REV1: variants seen among roughly 807,000 people sequenced by gnomAD.
REV1 encodes the protein REV1 DNA directed polymerase.
Under a neutral mutation model 137.4 loss-of-function variants are expected in REV1, and 42 were observed. That is an observed-to-expected ratio of 0.31 (90% CI 0.24 to 0.40). The LOEUF is 0.40. REV1 is among the 10% of genes least tolerant of loss of function. The pLI is 1.00. For synonymous variants in REV1, 524 were observed against 519.2 expected (o/e 1.01, Z -0.12); for missense variants, 1,282 against 1,490.1 (o/e 0.86, Z 2.30).
chr2:99,434,404 G>A lies in REV1; in HGVS notation c.1366C>T (p.Pro456Ser), dbSNP rs753869271. 1.2e-6 allele frequency: 2 copies of A among 1,604,282 alleles called. No individual in the cohort carries two copies. Among genetic ancestry groups the A allele is most frequent in the African/African-American group, 1.3e-5 (1 of 74,574 alleles). Residue 456 changes from proline to serine, a missense_variant, in exon 8 of 23, where the codon CCT becomes TCT. Pro to Ser is a moderately conservative substitution (Grantham distance 74). Transcript: ENST00000258428. Reference sequence around the variant, plus strand: ...TGGGGGTTAGCGCCAGGACGTAAAGGTGCCCTTCCTGTGCCTCTGTTACTT... The same window carrying A: ...TGGGGGTTAGCGCCAGGACGTAAAGATGCCCTTCCTGTGCCTCTGTTACTT... The part of the protein sequence containing the change: ...VTSNRGTGRA[P>S]LRPGANPQLE...
In REV1 at chr2:99,418,944, G is replaced by A; in HGVS notation, c.1835C>T (p.Ser612Phe). ...TGCCATTCTAGCCAGGAGAATATTA[G>A]AACCTATTAAAAAAAAAAGTCATCC... ...TKCAASVGIGSNILLARMATR... is the reference protein window; with the variant it reads ...TKCAASVGIGFNILLARMATR... The change falls in exon 12 of 23, where the codon TCT becomes TTT. Residue 612 changes from serine to phenylalanine, a missense_variant. Ser to Phe is a radical substitution (Grantham distance 155). Around this residue, in one of 7 missense-constraint regions of REV1, gnomAD observed 372 missense variants for 482.3 expected, o/e 0.77. Transcript: ENST00000258428. 1 of 1,590,918 alleles carries A rather than the reference G, an allele frequency of 6.3e-7. No homozygotes were observed. The highest frequency in any genetic ancestry group is 8.5e-7 in the Non-Finnish European group (1 of 1,171,014).
intron 13 of REV1, 103 bp from the exon 14 acceptor site, chr2:99,410,970 C>T (rs1233469244): frequency 2.8e-6 from 3 of 1,073,004 alleles, no homozygotes; most frequent in African/African-American, 3.3e-5. Context: ...GTTGGTTACT[C>T]ACTATCACGC....
intron 12 of REV1, 63 bp from the exon 13 acceptor site, chr2:99,413,014 A>G: frequency 8.8e-7 from 1 of 1,132,516 alleles, no homozygotes. Flanking sequence ...TATTAACACA[A>G]AATACCCACC....
chr2:99,405,896 C>G lies in REV1; in HGVS notation c.2811+14G>C. ...GTATAAAATGTACTTATATTTAGGA[C>G]TACAAAAATGTACCTGGGAAGGTGA... On this transcript the variant is annotated intron_variant, in intron 17 of 22. Transcript: ENST00000258428. The G allele has an allele frequency of 6.6e-7, 1 of 1,505,126 alleles. No individual in the cohort carries two copies. Among genetic ancestry groups the G allele is most frequent in the Non-Finnish European group, 8.9e-7 (1 of 1,119,370 alleles). 93.2% of individuals were successfully genotyped at this position (1,505,126 alleles called of 1,614,324 possible).
chr2:99,442,259 A>G, intron 5 of REV1, 58 bp downstream of exon 5: 10 of 1,276,884 alleles, frequency 7.8e-6, no homozygotes, highest in Non-Finnish European at 9.3e-6. Flanking sequence ...TCTCAAAAAA[A>G]AAAAAAAAAA....
intron 3 of REV1, among the ~76,000 whole-genome samples, chr2:99,452,815 C>T (rs1683076968): frequency 6.6e-6 from 1 of 152,202 alleles, no homozygotes; most frequent in Non-Finnish European, 1.5e-5. Flanking sequence ...TCTCAAAACA[C>T]TTATTCACTC....
chr2:99,474,506 T>C (rs1423517538), intron 1 of REV1, among the ~76,000 whole-genome samples: 2 of 152,174 alleles, frequency 1.3e-5, no homozygotes, highest in Admixed American at 1.3e-4. Context: ...CACCAGGTAA[T>C]CTAGCAACAG....
In REV1 at chr2:99,404,644, C is replaced by G; in HGVS notation, c.2845G>C (p.Asp949His). Reference protein sequence around the residue: ...DQSVLEALPPDLREQVEQVCA... With the variant: ...DQSVLEALPPHLREQVEQVCA... ...ACTTGCTCTACTTGTTCCCGGAGATCAGGTGGAAGTGCTTCTAAAACAGAC... is the reference window on the plus strand; with the variant it reads ...ACTTGCTCTACTTGTTCCCGGAGATGAGGTGGAAGTGCTTCTAAAACAGAC... The change falls in exon 18 of 23, where the codon GAT becomes CAT. Residue 949 changes from aspartate (D) to histidine (H), a missense_variant. Asp to His is a moderately conservative substitution (Grantham distance 81). This residue lies in a region of REV1 where 135 missense variants were observed against 123.3 expected (regional missense o/e 1.10). Coordinates refer to ENST00000258428, the MANE Select transcript of REV1 (RefSeq NM_016316.4). The G allele has an allele frequency of 6.2e-7, 1 of 1,611,812 alleles. No homozygotes were observed. The highest frequency in any genetic ancestry group is 8.5e-7 in the Non-Finnish European group (1 of 1,179,504).
At chr2:99,440,969 G>C (rs1485738966) in intron 5 of REV1, among the ~76,000 whole-genome samples, 1 of 152,116 alleles carries the variant, frequency 6.6e-6, no homozygotes, top group African/African-American at 2.4e-5. Flanking sequence ...GAAATATCAC[G>C]GGTAGAGATA....
At chr2:99,463,049 C>T (rs1247545357) in intron 2 of REV1, among the ~76,000 whole-genome samples, 2 of 151,486 alleles carry the variant, frequency 1.3e-5, no homozygotes, top group Admixed American at 1.3e-4. Flanking sequence ...GATGGCGCCA[C>T]TGCACTCCAG....
In REV1 at chr2:99,403,043, T is replaced by C. The variant is rs1675704844; in HGVS notation, c.3230A>G (p.Lys1077Arg). ...CCTTTTTGGTGAACCAATGGTTTTT[T>C]TCTTCTTGTTTCTTTTCTTTTCTTT... Reference protein sequence around the residue: ...AVKEKKRNKKKKTIGSPKRIQ... With the variant: ...AVKEKKRNKKRKTIGSPKRIQ... Residue 1077 changes from lysine to arginine, a missense_variant, in exon 20 of 23, where the codon AAA (lysine) becomes AGA (arginine). Around this residue, in one of 7 missense-constraint regions of REV1, gnomAD observed 170 missense variants for 156.8 expected, o/e 1.08. Coordinates refer to ENST00000258428, the MANE Select transcript of REV1 (RefSeq NM_016316.4). The C allele has an allele frequency of 2.5e-6, 4 of 1,613,864 alleles. No individual in the cohort carries two copies. The highest frequency in any genetic ancestry group is 3.4e-6 in the Non-Finnish European group (4 of 1,179,978).
chr2:99,402,037 T>C (rs182433578), intron 22 of REV1, among the ~76,000 whole-genome samples: 1 of 152,324 alleles, frequency 6.6e-6, no homozygotes, highest in African/African-American at 2.4e-5. Context: ...GCCCACTTCC[T>C]ATGGTTTTTT....
chr2:99,406,154 G>A (rs371902874), intron 16 of REV1, 48 bp from the exon 17 acceptor site: 20 of 1,500,768 alleles, frequency 1.3e-5, no homozygotes, highest in Non-Finnish European at 1.6e-5. Context: ...CATCGGGCAG[G>A]GCCTTTAATC....
At chr2:99,488,673 T>C (rs1687350315) in intron 1 of REV1, among the ~76,000 whole-genome samples, 1 of 152,108 alleles carries the variant, frequency 6.6e-6, no homozygotes, top group Admixed American at 6.5e-5. Context: ...AACCCAAGAA[T>C]ATGTGTGAAA....
intron 3 of REV1, 132 bp downstream of exon 3, chr2:99,462,363 CA>C (rs1684317245): frequency 4.9e-6 from 4 of 821,412 alleles, no homozygotes; most frequent in Non-Finnish European, 7.4e-6. Context: ...AGTATCTAAG[CA>C]GATGATTTAT....
At chr2:99,462,746 T>C (rs1684367912) in intron 2 of REV1, 124 bp from the exon 3 acceptor site, 6 of 961,196 alleles carry the variant, frequency 6.2e-6, no homozygotes, top group Admixed American at 2.4e-5. Flanking sequence ...GACCAGAACA[T>C]AATGATGACC....
At chr2:99,419,483 TA>T (rs1162545558) in intron 11 of REV1, among the ~76,000 whole-genome samples, 1 of 152,118 alleles carries the variant, frequency 6.6e-6, no homozygotes. Flanking sequence ...GTGCTGGGAC[TA>T]CAGGAATGAG....
At chr2:99,448,804 A>G (rs969146114) in intron 4 of REV1, among the ~76,000 whole-genome samples, 7 of 152,278 alleles carry the variant, frequency 4.6e-5, no homozygotes, top group African/African-American at 1.4e-4. Context: ...ACCTTCTCCC[A>G]TAACTGCTTC....
At chr2:99,480,791 A>T (rs959681719) in intron 1 of REV1, among the ~76,000 whole-genome samples, 2 of 152,250 alleles carry the variant, frequency 1.3e-5, no homozygotes, top group Admixed American at 1.3e-4. Context: ...TAAAGGAAGC[A>T]GAAGTTGTCA....
Sources: gnomAD v4.1 joint callset for allele counts (sites outside exome capture counted in the v4.1 genomes callset) on GRCh38, gnomAD v4.1.1 for gene constraint, gnomAD v4.1.1 regional missense constraint, MANE v1.5 for transcripts, NCBI Gene and HGNC (gene_info 2026-07-23, HGNC 2026-07-21) for gene names.